Variants in PPP1R3A observed in about 807,000 individuals in gnomAD.
The protein encoded by PPP1R3A is protein phosphatase 1 regulatory subunit 3A.
In PPP1R3A, 29 loss-of-function variants were observed where a neutral mutation model predicts 41.7. The observed-to-expected ratio is 0.70, with a 90% CI of 0.52 to 0.95. PPP1R3A has a LOEUF of 0.95. Among genes scored for constraint, PPP1R3A ranks in the 40% least tolerant of loss-of-function variants. The probability of loss-of-function intolerance (pLI) is 0.00; values close to 1 mark genes in which losing one functional copy is unlikely to be tolerated. For synonymous variants in PPP1R3A, 485 were observed against 453.4 expected (o/e 1.07, Z -0.89); for missense variants, 1,352 against 1,292.4 (o/e 1.05, Z -0.71).
At chr7:113,892,597 G>A (rs556866463) in intron 1 of PPP1R3A, among the ~76,000 whole-genome samples, 1 of 152,002 alleles carries the variant, frequency 6.6e-6, no homozygotes, top group South Asian at 2.1e-4. Flanking sequence ...AACCAAAAGT[G>A]GAAGAGGAAC....
In PPP1R3A at chr7:113,880,130, T is replaced by G; in HGVS notation, c.967-5A>C. The G allele has an allele frequency of 6.3e-7, 1 of 1,582,388 alleles. No individual in the cohort carries two copies. The highest frequency in any genetic ancestry group is 1.1e-5 in the South Asian group (1 of 90,190). ...TCTTATTAAGTGTTGATTTATCTTA[T>G]GGGATAAAAACAACAAAGAAATAAT... On this transcript the variant is annotated splice_region_variant and splice_polypyrimidine_tract_variant and intron_variant, in intron 3 of 3. Transcript: ENST00000284601.
intron 1 of PPP1R3A, among the ~76,000 whole-genome samples, chr7:113,884,949 A>G (rs1486052672): frequency 6.6e-6 from 1 of 152,160 alleles, no homozygotes; most frequent in Non-Finnish European, 1.5e-5. Context: ...TTATTAGAGA[A>G]TAAATGAAAT....
intron 1 of PPP1R3A, among the ~76,000 whole-genome samples, chr7:113,908,769 A>G (rs1797187945): frequency 6.6e-6 from 1 of 151,846 alleles, no homozygotes; most frequent in Admixed American, 6.6e-5. Context: ...TGGATTAGAT[A>G]AAGAAAAAGT....
rs1329355680 is a variant in PPP1R3A at position 113,878,910 on chromosome 7, C to T, written c.2182G>A (p.Gly728Ser). 2 of 1,612,928 alleles carry T rather than the reference C, an allele frequency of 1.2e-6. No individual in the cohort carries two copies. The highest frequency in any genetic ancestry group is 8.5e-7 in the Non-Finnish European group (1 of 1,179,752). The change falls in exon 4 of 4, where the codon GGT (glycine) becomes AGT (serine). Residue 728 changes from glycine to serine, a missense_variant. Transcript: ENST00000284601. ...DHGITEKAEA[G>S]TAYIIKTTSE... ...GTTGTCTTAATTATATAGGCTGTAC[C>T]AGCTTCTGCTTTCTCAGTAATGCCA...
At chr7:113,896,354 TTTTA>T (rs200010250) in intron 1 of PPP1R3A, among the ~76,000 whole-genome samples, 2,894 of 151,818 alleles carry the variant, frequency 0.019, 78 homozygotes, top group African/African-American at 0.059. Context: ...AGCTCATGGG[TTTTA>T]TTTATTTATT....
chr7:113,906,979 G>A (rs1276954818), intron 1 of PPP1R3A, among the ~76,000 whole-genome samples: 3 of 151,714 alleles, frequency 2.0e-5, no homozygotes, highest in Admixed American at 1.3e-4. Context: ...AATCAAACTC[G>A]TTCCTGTGGA....
Position 113,877,390 on chromosome 7 carries a change from C to T in PPP1R3A, c.*333G>A, listed in dbSNP as rs902097638. ...GGGAAAAAAAAATGAAGCTTTATTG[C>T]AAGAGAAATGAATGCAAGAAATAGC... On this transcript the variant is annotated 3_prime_UTR_variant, in exon 4 of 4. Coordinates refer to ENST00000284601, the MANE Select transcript of PPP1R3A (RefSeq NM_002711.4). The T allele has an allele frequency of 5.2e-6, 1 of 191,154 alleles. No homozygotes were observed. The highest frequency in any genetic ancestry group is 2.3e-5 in the African/African-American group (1 of 42,896). 11.8% of individuals were successfully genotyped at this position (191,154 alleles called of 1,614,324 possible).
chr7:113,909,971 T>A (rs1219361213), intron 1 of PPP1R3A, among the ~76,000 whole-genome samples: 2 of 151,974 alleles, frequency 1.3e-5, no homozygotes, highest in African/African-American at 4.8e-5. Flanking sequence ...AGGAAAGAGG[T>A]TTAATGGACT....
chr7:113,913,943 C>A (rs1046548338), intron 1 of PPP1R3A, among the ~76,000 whole-genome samples: 1 of 152,088 alleles, frequency 6.6e-6, no homozygotes, highest in African/African-American at 2.4e-5. Flanking sequence ...AGGCGCCTGT[C>A]TCCAGCCACA....
At chr7:113,911,060 C>T (rs1173668954) in intron 1 of PPP1R3A, among the ~76,000 whole-genome samples, 2 of 152,026 alleles carry the variant, frequency 1.3e-5, no homozygotes, top group African/African-American at 4.8e-5. Flanking sequence ...ACAACACAGA[C>T]AGATCATTTT....
At chr7:113,896,354 T>TTTTA (rs200010250) in intron 1 of PPP1R3A, among the ~76,000 whole-genome samples, 11 of 151,834 alleles carry the variant, frequency 7.2e-5, no homozygotes, top group East Asian at 3.9e-4. Context: ...AGCTCATGGG[T>TTTTA]TTTATTTATT....
chr7:113,884,869 G>A (rs1055089560), intron 1 of PPP1R3A, among the ~76,000 whole-genome samples: 6 of 151,806 alleles, frequency 4.0e-5, no homozygotes, highest in African/African-American at 1.5e-4. Context: ...GTGTGTAGGG[G>A]GGCAAGGGTG....
chr7:113,898,435 C>T (rs1348708010), intron 1 of PPP1R3A, among the ~76,000 whole-genome samples: 1 of 151,612 alleles, frequency 6.6e-6, no homozygotes, highest in African/African-American at 2.4e-5. Flanking sequence ...GCAGAATATT[C>T]CAGGCAGATG....
chr7:113,912,125 T>C (rs1403547825), intron 1 of PPP1R3A, among the ~76,000 whole-genome samples: 1 of 152,160 alleles, frequency 6.6e-6, no homozygotes, highest in Admixed American at 6.5e-5. Flanking sequence ...TATGCTTCAA[T>C]GTTTTTGGAA....
intron 1 of PPP1R3A, among the ~76,000 whole-genome samples, chr7:113,888,216 A>G (rs1364810371): frequency 1.3e-5 from 2 of 152,090 alleles, no homozygotes; most frequent in African/African-American, 4.8e-5. Flanking sequence ...AACCAGTGGC[A>G]TGGGGTTTAG....
In PPP1R3A at chr7:113,878,733, G is replaced by C. The variant is rs748805057; in HGVS notation, c.2359C>G (p.Leu787Val). Residue 787 changes from leucine (L) to valine (V), a missense_variant, in exon 4 of 4, where the codon CTT becomes GTT. Physicochemically the swap from Leu to Val is conservative, Grantham distance 32. Coordinates refer to ENST00000284601, the MANE Select transcript of PPP1R3A (RefSeq NM_002711.4). The stretch of plus-strand genomic sequence containing the variant: ...ACACCTACTGTATCTCGTTGACAAA[G>C]GGTATAATGTGAATCATCATTTCTC... Reference protein sequence around the residue: ...EGRNDDSHYTLCQRDTVGVIY... With the variant: ...EGRNDDSHYTVCQRDTVGVIY... 6.2e-7 allele frequency: 1 copy of C among 1,613,290 alleles called. No individual in the cohort carries two copies.
At chr7:113,880,286 G>T (rs1377381753) in intron 3 of PPP1R3A, among the ~76,000 whole-genome samples, 161 bp from the exon 4 acceptor site, 1 of 151,936 alleles carries the variant, frequency 6.6e-6, no homozygotes. Flanking sequence ...CAGATGTTTT[G>T]GGGAAATCCT....
chr7:113,906,737 T>C (rs1343733320), intron 1 of PPP1R3A, among the ~76,000 whole-genome samples: 1 of 151,878 alleles, frequency 6.6e-6, no homozygotes, highest in Non-Finnish European at 1.5e-5. Flanking sequence ...TTGGCATTAA[T>C]AGTTTTTCAA....
chr7:113,894,655 G>T (rs1443042146), intron 1 of PPP1R3A, among the ~76,000 whole-genome samples: 4 of 151,676 alleles, frequency 2.6e-5, no homozygotes, highest in Admixed American at 2.6e-4. Context: ...TAAATTTCAG[G>T]CATTATTTTC....
Sources: gnomAD v4.1 joint callset for allele counts (sites outside exome capture counted in the v4.1 genomes callset) on GRCh38, gnomAD v4.1.1 for gene constraint, MANE v1.5 for transcripts, NCBI Gene and HGNC (gene_info 2026-07-23, HGNC 2026-07-21) for gene names.